Variants in NSMCE2 observed in about 807,000 individuals in gnomAD.
NSMCE2 encodes E3 SUMO-protein ligase NSE2.
Under a neutral mutation model 23.8 loss-of-function variants are expected in NSMCE2, and 24 were observed. That is an observed-to-expected ratio of 1.01 (90% CI 0.73 to 1.42). The LOEUF (loss-of-function observed/expected upper bound fraction) is 1.42, where lower values mean the gene tolerates loss of function less well. Among genes scored for constraint, NSMCE2 ranks in the 40% most tolerant of loss-of-function variants. The pLI, the probability that NSMCE2 is intolerant of heterozygous loss-of-function variation, is 0.00. For synonymous variants in NSMCE2, 92 were observed against 94.1 expected (o/e 0.98, Z 0.13); for missense variants, 284 against 296.5 (o/e 0.96, Z 0.31).
At chr8:125,199,979 C>T (rs1043315222) in intron 5 of NSMCE2, among the ~76,000 whole-genome samples, 3 of 151,862 alleles carry the variant, frequency 2.0e-5, no homozygotes, top group African/African-American at 7.3e-5. Context: ...CTGTTTTATC[C>T]GAGACTAGGA....
At chr8:125,219,112 G>A (rs141420258) in intron 5 of NSMCE2, among the ~76,000 whole-genome samples, 34 of 152,222 alleles carry the variant, frequency 2.2e-4, no homozygotes, top group African/African-American at 7.2e-4. Context: ...ACTTTAATGG[G>A]ATAAACTTTT....
intron 5 of NSMCE2, among the ~76,000 whole-genome samples, chr8:125,224,530 G>A (rs113440911): frequency 1.3e-5 from 2 of 152,152 alleles, no homozygotes; most frequent in Non-Finnish European, 2.9e-5. Flanking sequence ...TGTATCTACA[G>A]TTTTCCCAAC....
rs1356886597 is a variant in NSMCE2 at position 125,357,772 on chromosome 8, A to G, written c.580A>G (p.Ile194Val). 2 of 1,614,194 alleles carry G rather than the reference A, an allele frequency of 1.2e-6. No homozygotes were observed. Among genetic ancestry groups the G allele is most frequent in the Admixed American group, 1.7e-5 (1 of 60,028 alleles). Residue 194 changes from isoleucine (I) to valine (V), a missense_variant, in exon 7 of 8, where the codon ATT becomes GTT. By Grantham distance (29) the Ile-to-Val change is conservative. This residue lies in a region of NSMCE2 where 102 missense variants were observed against 141.0 expected (regional missense o/e 0.72). Coordinates refer to ENST00000287437, the MANE Select transcript of NSMCE2 (RefSeq NM_173685.4). ...VCGHTYEEDAIVRMIESRQKR... is the reference protein window; with the variant it reads ...VCGHTYEEDAVVRMIESRQKR... ...TGGCCACACCTATGAAGAGGACGCCATTGTTCGCATGATTGAGTCCAGGCA... is the reference window on the plus strand; with the variant it reads ...TGGCCACACCTATGAAGAGGACGCCGTTGTTCGCATGATTGAGTCCAGGCA...
At chr8:125,190,307 A>G (rs1823290596) in intron 5 of NSMCE2, among the ~76,000 whole-genome samples, 2 of 152,288 alleles carry the variant, frequency 1.3e-5, no homozygotes, top group African/African-American at 4.8e-5. Context: ...ACATCATTGC[A>G]GCTGAAGAGG....
chr8:125,156,297 G>A (rs1336231147), intron 4 of NSMCE2: 2 of 164,854 alleles, frequency 1.2e-5, no homozygotes, highest in Admixed American at 1.2e-4. Context: ...AGAATTTTCA[G>A]AATTTACCTG....
intron 5 of NSMCE2, among the ~76,000 whole-genome samples, chr8:125,241,608 G>A (rs1023473765): frequency 1.7e-4 from 26 of 152,310 alleles, no homozygotes; most frequent in Non-Finnish European, 3.4e-4. Flanking sequence ...AGGTTAATAA[G>A]AATTGATCTG....
At chr8:125,122,343 A>G (rs892855558) in intron 3 of NSMCE2, among the ~76,000 whole-genome samples, 2 of 152,208 alleles carry the variant, frequency 1.3e-5, no homozygotes, top group African/African-American at 2.4e-5. Flanking sequence ...TTCTCTAGCC[A>G]TAACCAAAGC....
chr8:125,353,856 C>T (rs1047644805), intron 5 of NSMCE2, among the ~76,000 whole-genome samples: 3 of 151,240 alleles, frequency 2.0e-5, no homozygotes, highest in African/African-American at 7.3e-5. Flanking sequence ...GCACTCCAGC[C>T]TGGGCGACAA....
In NSMCE2 at chr8:125,124,470, T is replaced by TTCTCTCTCTCTCTCTC. The variant is rs376240525; in HGVS notation, c.157+21996_157+22011dup. On this transcript the variant is annotated intron_variant, in intron 3 of 7. Transcript: ENST00000287437. ...TTTTTTAAAGTGGATTCCTCAGGAT[T>TTCTCTCTCTCTCTCTC]TCTCTCTCTCTCTCTCTCTCTCTCT... Among the ~76,000 whole-genome samples, 544 of 146,286 alleles carry TTCTCTCTCTCTCTCTC rather than the reference T, an allele frequency of 3.7e-3. 3 individuals are homozygous for TTCTCTCTCTCTCTCTC. Among genetic ancestry groups the TTCTCTCTCTCTCTCTC allele is most frequent in the African/African-American group, 0.013 (518 of 39,964 alleles).
At chr8:125,282,692 C>T (rs570861772) in intron 5 of NSMCE2, among the ~76,000 whole-genome samples, 36 of 152,188 alleles carry the variant, frequency 2.4e-4, no homozygotes, top group Non-Finnish European at 4.3e-4. Flanking sequence ...AGTTACTCCC[C>T]GTTGTCTGTG....
intron 5 of NSMCE2, among the ~76,000 whole-genome samples, chr8:125,267,787 A>G (rs1826999036): frequency 6.6e-6 from 1 of 152,106 alleles, no homozygotes; most frequent in Admixed American, 6.5e-5. Flanking sequence ...AAAAATAGTA[A>G]TCGGTACTTT....
intron 5 of NSMCE2, among the ~76,000 whole-genome samples, chr8:125,302,208 C>T (rs1828593631): frequency 6.6e-6 from 1 of 151,906 alleles, no homozygotes; most frequent in African/African-American, 2.4e-5. Context: ...CTGCCCGCCT[C>T]GGCCTCCCAA....
chr8:125,232,877 T>C (rs574422195), intron 5 of NSMCE2, among the ~76,000 whole-genome samples: 1 of 152,370 alleles, frequency 6.6e-6, no homozygotes, highest in East Asian at 1.9e-4. Context: ...AGGACTGTTA[T>C]GTGAATGAGT....
chr8:125,228,025 T>A (rs575508244), intron 5 of NSMCE2, among the ~76,000 whole-genome samples: 18 of 152,300 alleles, frequency 1.2e-4, no homozygotes, highest in African/African-American at 4.3e-4. Context: ...TGTCTTTCAG[T>A]GGATAGCAGT....
chr8:125,202,436 A>G (rs773937158), intron 5 of NSMCE2, among the ~76,000 whole-genome samples: 18 of 152,246 alleles, frequency 1.2e-4, no homozygotes, highest in Non-Finnish European at 5.9e-5. Context: ...GACTGTCTAA[A>G]CCATGGAAAG....
intron 5 of NSMCE2, among the ~76,000 whole-genome samples, chr8:125,212,473 G>A (rs1824390094): frequency 6.6e-6 from 1 of 152,130 alleles, no homozygotes; most frequent in South Asian, 2.1e-4. Flanking sequence ...AGACTATTGT[G>A]GGAGCCTCTT....
chr8:125,277,646 A>G (rs981481089), intron 5 of NSMCE2, among the ~76,000 whole-genome samples: 1 of 152,018 alleles, frequency 6.6e-6, no homozygotes, highest in Non-Finnish European at 1.5e-5. Flanking sequence ...AGCTGGGACT[A>G]CAGGCACCCG....
At chr8:125,223,927 T>G (rs1009888418) in intron 5 of NSMCE2, among the ~76,000 whole-genome samples, 1 of 151,884 alleles carries the variant, frequency 6.6e-6, no homozygotes, top group African/African-American at 2.4e-5. Flanking sequence ...GCCTTGATCT[T>G]CCTGGTTCAA....
intron 4 of NSMCE2, among the ~76,000 whole-genome samples, chr8:125,157,586 AACAGAG>A (rs1482987037): frequency 6.6e-6 from 1 of 152,208 alleles, no homozygotes. Flanking sequence ...TTGCCTAATA[AACAGAG>A]ACAGAGACAA....
Sources: allele counts gnomAD v4.1 joint callset (sites outside exome capture counted in the v4.1 genomes callset), GRCh38; gene constraint gnomAD v4.1.1; regional missense constraint gnomAD v4.1.1; transcripts MANE v1.5; gene names NCBI Gene and HGNC (gene_info 2026-07-23, HGNC 2026-07-21).